The following CASZ1 variants were observed in gnomAD, a reference collection of about 807,000 sequenced individuals.
CASZ1 encodes zinc finger protein castor homolog 1.
In CASZ1, 28 loss-of-function variants were observed where a neutral mutation model predicts 135.2. The ratio of observed to expected loss-of-function variants is 0.21; its 90% confidence interval spans 0.15 to 0.28. CASZ1 has a LOEUF of 0.28. CASZ1 is among the 10% of genes least tolerant of loss of function. CASZ1 has a pLI of 1.00. For synonymous variants in CASZ1, 1,068 were observed against 1,073.4 expected (o/e 0.99, Z 0.10); for missense variants, 2,161 against 2,453.3 (o/e 0.88, Z 2.52).
intron 5 of CASZ1, among the ~76,000 whole-genome samples, chr1:10,663,314 C>T (rs1231430991): frequency 2.0e-5 from 3 of 152,072 alleles, no homozygotes; most frequent in Non-Finnish European, 4.4e-5. Context: ...CTGTGGGCTC[C>T]GGGGAGGGCC....
chr1:10,639,550 C>G lies in CASZ1; in HGVS notation c.4672G>C (p.Ala1558Pro). ...AGCTTGTACTTGCAGTCGGGCACGG[C>G]GCAGTCGGCGCTGGAGCTGAACTGG... ...FCQFSSSADC[A>P]VPDCKYKLKC... Residue 1558 changes from alanine to proline, a missense_variant, in exon 21 of 21, where the codon GCC becomes CCC. Ala to Pro is a conservative substitution (Grantham distance 27). Around this residue, in one of 7 missense-constraint regions of CASZ1, gnomAD observed 240 missense variants for 321.4 expected, o/e 0.75. Transcript: ENST00000377022. The surrounding 1 kb of genome is among the most constrained non-coding windows in gnomAD (Gnocchi z 4.0). 2 of 1,610,580 alleles carry G rather than the reference C, an allele frequency of 1.2e-6. No homozygotes were observed. The highest frequency in any genetic ancestry group is 1.7e-6 in the Non-Finnish European group (2 of 1,178,322).
chr1:10,783,208 TTTTA>T (rs1052105978), intron 1 of CASZ1, among the ~76,000 whole-genome samples: 3 of 151,774 alleles, frequency 2.0e-5, no homozygotes, highest in African/African-American at 7.3e-5. Context: ...ATATTTGGGG[TTTTA>T]TTTATTTATT....
intron 4 of CASZ1, among the ~76,000 whole-genome samples, chr1:10,687,497 G>A (rs1164102700): frequency 6.6e-6 from 1 of 152,266 alleles, no homozygotes; most frequent in Non-Finnish European, 1.5e-5. Flanking sequence ...ACCACGCCCG[G>A]GGCAGAGGCC....
chr1:10,754,433 A>G (rs1640207980), intron 2 of CASZ1, among the ~76,000 whole-genome samples: 1 of 152,152 alleles, frequency 6.6e-6, no homozygotes, highest in Non-Finnish European at 1.5e-5. Flanking sequence ...GTGACAGGTC[A>G]GGACTTGGAC....
intron 6 of CASZ1, among the ~76,000 whole-genome samples, chr1:10,659,389 TGGGCGTGTGTGGGTGGCGTGTGTGGG>T (rs1319768454): frequency 1.3e-5 from 2 of 152,002 alleles, no homozygotes; most frequent in Non-Finnish European, 2.9e-5. Context: ...CCTGGGAGTG[TGGGCGTGTGTGGGTGGCGTGTGTGGG>T]GGGCGTGTGC....
intron 2 of CASZ1, among the ~76,000 whole-genome samples, chr1:10,754,144 C>T (rs765610664): frequency 9.2e-5 from 14 of 152,216 alleles, no homozygotes; most frequent in East Asian, 1.9e-4. Context: ...ATGTCACCAT[C>T]GCAGTGACCC....
chr1:10,662,322 CCA>C (rs371485784), intron 5 of CASZ1, among the ~76,000 whole-genome samples: 12 of 148,894 alleles, frequency 8.1e-5, no homozygotes, highest in South Asian at 2.1e-4. Context: ...CCACCCACCC[CCA>C]CACACAGTCA....
chr1:10,672,261 A>C (rs1446429615), intron 4 of CASZ1, among the ~76,000 whole-genome samples: 1 of 141,608 alleles, frequency 7.1e-6, no homozygotes, highest in Non-Finnish European at 1.5e-5. Context: ...ATATGCCATA[A>C]CTCAGCCGCC....
chr1:10,702,722 T>C (rs1292416163), intron 3 of CASZ1, among the ~76,000 whole-genome samples: 1 of 152,138 alleles, frequency 6.6e-6, no homozygotes, highest in Admixed American at 6.5e-5. Context: ...GCCCCACCCC[T>C]GCCAGCGGGG....
chr1:10,737,040 C>T (rs1639812655), intron 2 of CASZ1, among the ~76,000 whole-genome samples: 1 of 152,186 alleles, frequency 6.6e-6, no homozygotes, highest in African/African-American at 2.4e-5. Context: ...TTGGCAGTCC[C>T]CTGACCACGG....
rs962938411 is a variant in CASZ1 at position 10,759,240 on chromosome 1, C to G, written c.-77+1461G>C. On this transcript the variant is annotated intron_variant, in intron 2 of 20. Transcript: ENST00000377022. The surrounding 1 kb of genome is among the most constrained non-coding windows in gnomAD (Gnocchi z 4.2). Reference sequence around the variant, plus strand: ...CTTGCATATATTTGAGCCTGCATCCCAGGATTCATGATCATCAGAGGAAGC... The same window carrying G: ...CTTGCATATATTTGAGCCTGCATCCGAGGATTCATGATCATCAGAGGAAGC... Among the ~76,000 whole-genome samples, 6 of 152,136 alleles carry G rather than the reference C, an allele frequency of 3.9e-5. No homozygotes were observed. Among genetic ancestry groups the G allele is most frequent in the African/African-American group, 1.4e-4 (6 of 41,434 alleles).
At position 10,792,331 on chromosome 1, in the gene CASZ1, CCCCCCCCCCGG is replaced by C. The variant is rs1383405403; in HGVS notation, c.-234+4222_-234+4232del. Among the ~76,000 whole-genome samples the C allele has an allele frequency of 3.5e-4, 14 of 40,544 alleles. 1 individual carries two copies. The highest frequency in any genetic ancestry group is 8.5e-4 in the Non-Finnish European group (12 of 14,114). 26.6% of individuals were successfully genotyped at this position (40,544 alleles called of 152,430 possible). A position where few individuals can be genotyped will look rare whatever the true frequency, so the allele number is the denominator to read the frequency against. On this transcript the variant is annotated intron_variant, in intron 1 of 20. Transcript: ENST00000377022. ...CATGGCTTACCCCTCCCCCCCGCCC[CCCCCCCCCCGG>C]CCCCGCACACAAAGTAAATGGAAAT...
intron 2 of CASZ1, among the ~76,000 whole-genome samples, chr1:10,738,527 G>A (rs1459905851): frequency 6.6e-6 from 1 of 152,284 alleles, no homozygotes; most frequent in Admixed American, 6.5e-5. Flanking sequence ...GGATAGGCCA[G>A]GTGGGATCCT....
intron 1 of CASZ1, among the ~76,000 whole-genome samples, chr1:10,781,115 A>C (rs1640755474): frequency 6.6e-6 from 1 of 152,152 alleles, no homozygotes; most frequent in Non-Finnish European, 1.5e-5. Flanking sequence ...CCCAGGACAC[A>C]GACCTCAGGA....
chr1:10,697,996 G>A lies in CASZ1; in HGVS notation c.-23-4084C>T, dbSNP rs368258029. On this transcript the variant is annotated intron_variant, in intron 3 of 20. Transcript: ENST00000377022. This position sits in a 1 kb window ranked among gnomAD's most constrained non-coding sequence, Gnocchi z 4.7. ...AGGGAGGGCAGAGCCAAGGCACCACGGCATGGCCACGGGCACGGGAGGTCG... is the reference window on the plus strand; with the variant it reads ...AGGGAGGGCAGAGCCAAGGCACCACAGCATGGCCACGGGCACGGGAGGTCG... 1.2e-4 allele frequency among the ~76,000 whole-genome samples: 18 copies of A among 152,254 alleles called. No individual in the cohort carries two copies. The highest frequency in any genetic ancestry group is 2.0e-4 in the Admixed American group (3 of 15,288).
chr1:10,760,073 G>T (rs1055227994), intron 2 of CASZ1, among the ~76,000 whole-genome samples: 37 of 152,178 alleles, frequency 2.4e-4, no homozygotes, highest in African/African-American at 8.7e-4. Context: ...TGGCATGAGT[G>T]ACCTGCCTTA....
chr1:10,645,585 C>T (rs1642343738), intron 17 of CASZ1, among the ~76,000 whole-genome samples: 2 of 152,354 alleles, frequency 1.3e-5, no homozygotes, highest in South Asian at 4.1e-4. Flanking sequence ...GCCTGGTAAC[C>T]TTGCAGGCCA....
intron 3 of CASZ1, among the ~76,000 whole-genome samples, chr1:10,695,886 T>G (rs1638923371): frequency 6.6e-6 from 1 of 152,050 alleles, no homozygotes; most frequent in East Asian, 1.9e-4. Flanking sequence ...GCAGCCTTGC[T>G]AAGGAAGGAC....
At chr1:10,780,117 T>C (rs1172822115) in intron 1 of CASZ1, among the ~76,000 whole-genome samples, 2 of 152,190 alleles carry the variant, frequency 1.3e-5, no homozygotes, top group Non-Finnish European at 2.9e-5. Context: ...TTCCTCCTTA[T>C]AAAGCGCCCT....
Sources: gnomAD v4.1 joint callset for allele counts (sites outside exome capture counted in the v4.1 genomes callset) on GRCh38, gnomAD v4.1.1 for gene constraint, gnomAD v4.1.1 regional missense constraint, Gnocchi (gnomAD v3.1) non-coding constraint, MANE v1.5 for transcripts, NCBI Gene and HGNC (gene_info 2026-07-23, HGNC 2026-07-21) for gene names.